ARB2A: variants seen among roughly 807,000 people sequenced by gnomAD.
ARB2A encodes ARB2 cotranscriptional regulator A.
At chr5:93,724,603 T>A in the ARB2A span, among the ~76,000 whole-genome samples, 20 of 152,088 alleles carry the variant, frequency 1.3e-4, no homozygotes. Context: ...TCTATCAATA[T>A]ATCAAATGAT....
the ARB2A span, among the ~76,000 whole-genome samples, chr5:93,843,404 T>C: frequency 2.7e-5 from 4 of 148,502 alleles, no homozygotes; most frequent in Non-Finnish European, 5.9e-5. Context: ...TGCATAAAAG[T>C]AGAACAAGGA....
the ARB2A span, among the ~76,000 whole-genome samples, chr5:93,708,544 T>C: frequency 4.6e-5 from 7 of 152,212 alleles, no homozygotes; most frequent in Non-Finnish European, 1.0e-4. Flanking sequence ...ACCTAGATCC[T>C]TCGCATGTGG....
At chr5:93,710,196 C>T in the ARB2A span, among the ~76,000 whole-genome samples, 1 of 152,122 alleles carries the variant, frequency 6.6e-6, no homozygotes, top group Non-Finnish European at 1.5e-5. Context: ...AAACTGGTAG[C>T]CTATGGGCCC....
the ARB2A span, among the ~76,000 whole-genome samples, chr5:93,911,066 C>A: frequency 6.6e-6 from 1 of 151,584 alleles, no homozygotes; most frequent in African/African-American, 2.4e-5. Context: ...TTTAACATTA[C>A]TGTATACTGG....
chr5:93,726,701 T>C, the ARB2A span, among the ~76,000 whole-genome samples: 1 of 152,016 alleles, frequency 6.6e-6, no homozygotes, highest in Non-Finnish European at 1.5e-5. Flanking sequence ...GAATTGGGGT[T>C]ACGTAACTTA....
the ARB2A span, among the ~76,000 whole-genome samples, chr5:93,849,822 G>A: frequency 6.6e-6 from 1 of 152,078 alleles, no homozygotes; most frequent in Non-Finnish European, 1.5e-5. Context: ...AATACTGGGT[G>A]AAAATTAGGC....
the ARB2A span, among the ~76,000 whole-genome samples, chr5:93,665,334 T>C: frequency 3.7e-3 from 562 of 152,330 alleles, 7 homozygotes; most frequent in Non-Finnish European, 7.5e-4. Flanking sequence ...AGAGATTCTG[T>C]AGCTTATATA....
the ARB2A span, among the ~76,000 whole-genome samples, chr5:93,813,948 A>T: frequency 1.3e-5 from 2 of 152,206 alleles, no homozygotes; most frequent in East Asian, 1.9e-4. Context: ...AGTTTCTTTG[A>T]TTAGAGATTT....
At chr5:93,826,701 C>G in the ARB2A span, among the ~76,000 whole-genome samples, 9 of 151,118 alleles carry the variant, frequency 6.0e-5, no homozygotes, top group African/African-American at 1.7e-4. Context: ...CTCATTAACT[C>G]GTCATTTAAC....
chr5:93,663,105 C>A, the ARB2A span, among the ~76,000 whole-genome samples: 1 of 152,196 alleles, frequency 6.6e-6, no homozygotes, highest in Admixed American at 6.5e-5. Context: ...CCTCTCAACA[C>A]CGTTACACTG....
the ARB2A span, among the ~76,000 whole-genome samples, chr5:93,929,711 C>T: frequency 6.6e-6 from 1 of 152,006 alleles, no homozygotes; most frequent in African/African-American, 2.4e-5. Flanking sequence ...CTTTTAGGTA[C>T]AAATTCTCAG....
At chr5:94,044,601 A>C in the ARB2A span, among the ~76,000 whole-genome samples, 1 of 152,272 alleles carries the variant, frequency 6.6e-6, no homozygotes, top group Admixed American at 6.5e-5. Context: ...GAACCAGAGC[A>C]ACTCCGTCTT....
the ARB2A span, among the ~76,000 whole-genome samples, chr5:93,776,729 G>A: frequency 6.6e-6 from 1 of 152,176 alleles, no homozygotes. Flanking sequence ...AGTGAGCTGA[G>A]AGCGTGCCAT....
the ARB2A span, among the ~76,000 whole-genome samples, chr5:93,722,042 C>A: frequency 6.6e-6 from 1 of 152,064 alleles, no homozygotes. Context: ...CAATAACATC[C>A]ACTACATGGG....
At chr5:94,021,257 T>C in the ARB2A span, among the ~76,000 whole-genome samples, 1 of 152,198 alleles carries the variant, frequency 6.6e-6, no homozygotes. Context: ...GAAATACTCA[T>C]CATATTCACA....
At chr5:94,047,962 A>T in the ARB2A span, among the ~76,000 whole-genome samples, 1 of 151,866 alleles carries the variant, frequency 6.6e-6, no homozygotes, top group African/African-American at 2.4e-5. Flanking sequence ...AAAAACCACA[A>T]GCTCTTTTCT....
At chr5:93,798,113 T>C in the ARB2A span, among the ~76,000 whole-genome samples, 1 of 152,100 alleles carries the variant, frequency 6.6e-6, no homozygotes, top group African/African-American at 2.4e-5. Context: ...AGACTATGCA[T>C]AGGAATGAGG....
the ARB2A span, chr5:93,620,706 G>C: frequency 3.3e-6 from 1 of 305,786 alleles, no homozygotes; most frequent in Admixed American, 5.2e-5. Context: ...GAGCTTCGCC[G>C]GCCGAGCCAG....
chr5:93,820,475 T>C, the ARB2A span, among the ~76,000 whole-genome samples: 1 of 152,184 alleles, frequency 6.6e-6, no homozygotes, highest in Non-Finnish European at 1.5e-5. Flanking sequence ...AAAATGACAG[T>C]TAATTTTCAA....
Sources: allele counts gnomAD v4.1 joint callset (sites outside exome capture counted in the v4.1 genomes callset), GRCh38; gene constraint gnomAD v4.1.1; transcripts MANE v1.5; gene names NCBI Gene and HGNC (gene_info 2026-07-23, HGNC 2026-07-21).